FAM240C: variants seen among roughly 807,000 people sequenced by gnomAD.
FAM240C encodes the protein protein FAM240C.
In FAM240C, 14 loss-of-function variants were observed where a neutral mutation model predicts 10.0. The observed-to-expected ratio is 1.40, with a 90% CI of 0.92 to 2.19. The LOEUF is 2.19. Among genes scored for constraint, FAM240C ranks in the 30% most tolerant of loss-of-function variants. The pLI is 0.00. For missense variants in FAM240C, 154 were observed against 122.3 expected, an observed-to-expected ratio of 1.26 and a Z score of -1.22; for synonymous variants, 49 against 44.3, an observed-to-expected ratio of 1.11 and a Z score of -0.42.
At chr2:241,896,109 G>T (rs903650516) in intron 2 of FAM240C, among the ~76,000 whole-genome samples, 9 of 151,946 alleles carry the variant, frequency 5.9e-5, no homozygotes, top group Non-Finnish European at 1.3e-4. Flanking sequence ...TGCTGAAGGG[G>T]TACCACGGCT....
Position 241,894,035 on chromosome 2 carries a change from C to T in FAM240C, c.*178G>A, listed in dbSNP as rs1701726551. ...GGGCACCAGAGATGCGCTAGAGAAC[C>T]CTGGGACTCTGCTGCAGCGTGGACC... On this transcript the variant is annotated 3_prime_UTR_variant, in exon 3 of 3. Coordinates refer to ENST00000404031, the MANE Select transcript of FAM240C (RefSeq NM_001382368.1). The T allele has an allele frequency of 1.7e-6, 1 of 600,834 alleles. No homozygotes were observed. Among genetic ancestry groups the T allele is most frequent in the Non-Finnish European group, 2.8e-6 (1 of 361,916 alleles). The allele number at this position is 600,834 out of a possible 1,614,324, so 37.2% of individuals were successfully genotyped here.
Position 241,900,322 on chromosome 2 carries a change from G to A in FAM240C, c.12+36C>T. 2 of 717,134 alleles carry A rather than the reference G, an allele frequency of 2.8e-6. No individual in the cohort carries two copies. The highest frequency in any genetic ancestry group is 5.2e-6 in the Non-Finnish European group (2 of 384,942). 44.4% of individuals were successfully genotyped at this position (717,134 alleles called of 1,614,324 possible). On this transcript the variant is annotated intron_variant, in intron 1 of 2. Transcript: ENST00000404031. This position sits in a 1 kb window ranked among gnomAD's most constrained non-coding sequence, Gnocchi z 4.5. The stretch of plus-strand genomic sequence containing the variant: ...CCCAAATGCAGCGCCAATCTCTCAA[G>A]CAAGGACAGCGCCTGTCACATCACA...
chr2:241,899,124 G>A, intron 1 of FAM240C: 1 of 1,304,216 alleles, frequency 7.7e-7, no homozygotes, highest in Non-Finnish European at 1.0e-6. Flanking sequence ...CCTGCTTCAG[G>A]TGGAGAGGGT....
chr2:241,899,379 T>C lies in FAM240C; in HGVS notation c.12+979A>G, dbSNP rs906666056. ...AAACTTAGACATGCAAAGTTGATCA[T>C]GAAGGGACTGAACTCAGCCACGCCT... On this transcript the variant is annotated intron_variant, in intron 1 of 2. Transcript: ENST00000404031. 8.2e-6 allele frequency: 8 copies of C among 976,490 alleles called. No individual in the cohort carries two copies. In the South Asian group the frequency reaches 3.8e-4, roughly 46 times the overall value. 60.5% of individuals were successfully genotyped at this position (976,490 alleles called of 1,614,324 possible).
At chr2:241,902,314 G>A (rs71351125), upstream of FAM240C, among the ~76,000 whole-genome samples, 40,285 of 110,574 alleles carry the variant, frequency 0.36, 8,814 homozygotes, top group South Asian at 0.47. This position sits in a 1 kb window ranked among gnomAD's most constrained non-coding sequence, Gnocchi z 7.1. Context: ...CAGGAGTCCC[G>A]CCTGCCGCCT....
intron 1 of FAM240C, among the ~76,000 whole-genome samples, chr2:241,898,876 G>A (rs1041804904): frequency 2.6e-5 from 4 of 152,350 alleles, no homozygotes; most frequent in East Asian, 3.9e-4. Flanking sequence ...CCCCTAAGCC[G>A]CTGTCCGGCC....
intron 1 of FAM240C, among the ~76,000 whole-genome samples, chr2:241,898,660 C>T (rs1417923058): frequency 2.0e-5 from 3 of 152,252 alleles, no homozygotes; most frequent in Admixed American, 6.5e-5. Flanking sequence ...GCAGTGGGAG[C>T]CCGGCTCTGG....
chr2:241,896,663 G>T (rs142455670), intron 2 of FAM240C, among the ~76,000 whole-genome samples: 14 of 41,020 alleles, frequency 3.4e-4, no homozygotes, highest in Non-Finnish European at 7.4e-4. Context: ...GTGAAGGGGT[G>T]TGGGTGTTGG....
chr2:241,900,677 T>A (rs776760760), upstream of FAM240C, among the ~76,000 whole-genome samples: 1 of 151,868 alleles, frequency 6.6e-6, no homozygotes, highest in Non-Finnish European at 1.5e-5. The surrounding 1 kb of genome is among the most constrained non-coding windows in gnomAD (Gnocchi z 4.5). Flanking sequence ...CCAGGAAACC[T>A]TGTGGGTGGG....
chr2:241,901,107 C>CA (rs1453126647), upstream of FAM240C, among the ~76,000 whole-genome samples: 2 of 152,328 alleles, frequency 1.3e-5, no homozygotes, highest in East Asian at 3.9e-4. The surrounding 1 kb of genome is among the most constrained non-coding windows in gnomAD (Gnocchi z 4.9). Context: ...GCGGCACCTT[C>CA]AGGCCGTCAG....
At chr2:241,899,089 G>A (rs945814183) in intron 1 of FAM240C, 3 of 1,294,650 alleles carry the variant, frequency 2.3e-6, no homozygotes, top group South Asian at 1.2e-5. Flanking sequence ...TGAGACCCGC[G>A]GGCTCGTTTC....
At chr2:241,899,129 G>C (rs1000021098) in intron 1 of FAM240C, 3 of 1,304,138 alleles carry the variant, frequency 2.3e-6, no homozygotes, top group Non-Finnish European at 3.0e-6. Flanking sequence ...TTCAGGTGGA[G>C]AGGGTAAGGG....
chr2:241,901,202 C>T (rs1043459796), upstream of FAM240C, among the ~76,000 whole-genome samples: 2 of 152,176 alleles, frequency 1.3e-5, no homozygotes, highest in East Asian at 3.9e-4. This position sits in a 1 kb window ranked among gnomAD's most constrained non-coding sequence, Gnocchi z 4.9. Context: ...TCCCAGCCGC[C>T]GCCCTGGTGC....
rs1205079665 is a variant in FAM240C at position 241,897,322 on chromosome 2, T to G, written c.25A>C (p.Ser9Arg). Residue 9 changes from serine (S) to arginine (R), a missense_variant, in exon 2 of 3, where the codon AGC (serine) becomes CGC (arginine). Physicochemically the swap from Ser to Arg is moderately radical, Grantham distance 110 (BLOSUM62 -1). Coordinates refer to ENST00000404031, the MANE Select transcript of FAM240C (RefSeq NM_001382368.1). ...CTTCCAGGATTCTTAAGAGTGAGGC[T>G]TTTACTCATGTTCTGGAAAATAAAA... Reference protein sequence around the residue: MVGKNMSKSLTLKNPGRVA... With the variant: MVGKNMSKRLTLKNPGRVA... The G allele has an allele frequency of 6.5e-7, 1 of 1,549,534 alleles. No individual in the cohort carries two copies. Among genetic ancestry groups the G allele is most frequent in the Admixed American group, 2.0e-5 (1 of 50,952 alleles).
At chr2:241,897,091 C>G (rs1575420549) in intron 2 of FAM240C, 95 bp downstream of exon 2, 3 of 1,373,670 alleles carry the variant, frequency 2.2e-6, no homozygotes, top group Non-Finnish European at 3.0e-6. Context: ...AGGGCCAGGG[C>G]TGTGTCAGGG....
upstream of FAM240C, among the ~76,000 whole-genome samples, chr2:241,900,868 A>T (rs745343257): frequency 4.6e-5 from 7 of 152,130 alleles, no homozygotes; most frequent in Non-Finnish European, 8.8e-5. The surrounding 1 kb of genome is among the most constrained non-coding windows in gnomAD (Gnocchi z 4.5). Context: ...CCCCACCCAT[A>T]CATGGGTTTA....
rs561570153 is a variant in FAM240C, at chr2:241,894,683, A to G, written c.162-344T>C. On this transcript the variant is annotated intron_variant, in intron 2 of 2. Transcript: ENST00000404031. The stretch of plus-strand genomic sequence containing the variant: ...TTCTGGAAGCTTCTGAGCCCCGGAG[A>G]GACTGTGCCTGAGCTTGAGCTCTTG... 2.0e-5 allele frequency among the ~76,000 whole-genome samples: 3 copies of G among 151,800 alleles called. No homozygotes were observed. The South Asian group carries it at 6.2e-4, about 32-fold the overall frequency.
intron 1 of FAM240C, among the ~76,000 whole-genome samples, chr2:241,898,805 G>A (rs1477384547): frequency 6.6e-6 from 1 of 152,162 alleles, no homozygotes; most frequent in Non-Finnish European, 1.5e-5. Flanking sequence ...GCCACGTTTC[G>A]GGGTGCAAGG....
In FAM240C at chr2:241,894,069, G is replaced by T; in HGVS notation, c.*144C>A. The T allele has an allele frequency of 1.1e-6, 1 of 909,300 alleles. No homozygotes were observed. Among genetic ancestry groups the T allele is most frequent in the Non-Finnish European group, 1.6e-6 (1 of 623,678 alleles). 56.3% of individuals were successfully genotyped at this position (909,300 alleles called of 1,614,324 possible). On this transcript the variant is annotated 3_prime_UTR_variant, in exon 3 of 3. Transcript: ENST00000404031. ...CTGCTGCAGCGTGGACCCCGAGGTG[G>T]GATTATTACGGGGTCAGCGAGGTGC...
Sources: gnomAD v4.1 joint callset for allele counts (sites outside exome capture counted in the v4.1 genomes callset) on GRCh38, gnomAD v4.1.1 for gene constraint, Gnocchi (gnomAD v3.1) non-coding constraint, MANE v1.5 for transcripts, NCBI Gene and HGNC (gene_info 2026-07-23, HGNC 2026-07-21) for gene names.